Variants in MNAT1 observed in about 807,000 individuals in gnomAD.
MNAT1 encodes CDK-activating kinase assembly factor MAT1.
MNAT1 carries 43 observed loss-of-function variants against 42.0 expected under a neutral mutation model. The observed-to-expected ratio is 1.02, with a 90% confidence interval of 0.80 to 1.32. The LOEUF (loss-of-function observed/expected upper bound fraction) is 1.32. MNAT1 is among the 40% of genes most tolerant of loss of function. MNAT1 has a pLI of 0.00. For synonymous variants in MNAT1, 118 were observed against 120.0 expected, an observed-to-expected ratio of 0.98 and a Z score of 0.11; for missense variants, 306 against 350.4, an observed-to-expected ratio of 0.87 and a Z score of 1.01.
chr14:60,785,893 A>G (rs571537308), intron 1 of MNAT1, among the ~76,000 whole-genome samples: 6 of 152,316 alleles, frequency 3.9e-5, no homozygotes, highest in African/African-American at 1.4e-4. Flanking sequence ...ATTTTATTCT[A>G]TTTAAAAGGT....
At chr14:60,879,596 C>G in intron 6 of MNAT1, 118 bp from the exon 7 acceptor site, 1 of 978,366 alleles carries the variant, frequency 1.0e-6, no homozygotes, top group South Asian at 1.8e-5. Context: ...TGGAACAGCA[C>G]AACTAATGGC....
rs142700208 is a variant in MNAT1 at position 60,740,511 on chromosome 14, C to T, written c.89+5560C>T. On this transcript the variant is annotated intron_variant, in intron 1 of 7. Transcript: ENST00000261245. The surrounding 1 kb of genome is among the most constrained non-coding windows in gnomAD (Gnocchi z 4.1). ...TGTTAGTTATGTTTAAAAGTTTTATCAGATTAAGTTTGAATTTATTTGTTG... is the reference window on the plus strand; with the variant it reads ...TGTTAGTTATGTTTAAAAGTTTTATTAGATTAAGTTTGAATTTATTTGTTG... 6.6e-6 allele frequency among the ~76,000 whole-genome samples: 1 copy of T among 152,144 alleles called. No individual in the cohort carries two copies. The highest frequency in any genetic ancestry group is 1.5e-5 in the Non-Finnish European group (1 of 67,998).
intron 7 of MNAT1, among the ~76,000 whole-genome samples, chr14:60,941,726 C>T (rs554768335): frequency 6.6e-6 from 1 of 151,144 alleles, no homozygotes; most frequent in Non-Finnish European, 1.5e-5. Context: ...AGTCAATGGC[C>T]GGGCGCGGTG....
intron 7 of MNAT1, among the ~76,000 whole-genome samples, chr14:60,939,299 C>T (rs973888590): frequency 2.0e-5 from 3 of 152,088 alleles, no homozygotes; most frequent in African/African-American, 7.2e-5. Flanking sequence ...TCCCTTGCTT[C>T]TCTAGTTCTT....
intron 1 of MNAT1, 55 bp downstream of exon 1, chr14:60,735,006 A>G: frequency 6.5e-7 from 1 of 1,541,920 alleles, no homozygotes; most frequent in Non-Finnish European, 9.0e-7. Flanking sequence ...GTGGGAGGAG[A>G]GGACCGGGAG....
intron 7 of MNAT1, among the ~76,000 whole-genome samples, chr14:60,931,424 A>G (rs1310144841): frequency 2.0e-5 from 3 of 152,152 alleles, no homozygotes; most frequent in Admixed American, 1.3e-4. Flanking sequence ...AATTGGGGAC[A>G]GGGACTGCAT....
At chr14:60,875,753 A>G (rs1018282484) in intron 6 of MNAT1, among the ~76,000 whole-genome samples, 1 of 152,038 alleles carries the variant, frequency 6.6e-6, no homozygotes, top group African/African-American at 2.4e-5. Flanking sequence ...TAATTTGGGT[A>G]TTGTTGCTAA....
At chr14:60,880,530 A>G (rs1325667779) in intron 7 of MNAT1, among the ~76,000 whole-genome samples, 1 of 152,190 alleles carries the variant, frequency 6.6e-6, no homozygotes, top group East Asian at 1.9e-4. Flanking sequence ...GTTGCTTAAC[A>G]AAAGAAAATA....
intron 1 of MNAT1, among the ~76,000 whole-genome samples, chr14:60,787,392 A>C (rs2351277): frequency 0.92 from 139,355 of 152,170 alleles, 64,545 homozygotes; most frequent in Non-Finnish European, 0.99. Context: ...CAATCATCTG[A>C]GCCTTCGAAA....
At chr14:60,779,113 A>G in intron 1 of MNAT1, among the ~76,000 whole-genome samples, 1 of 152,150 alleles carries the variant, frequency 6.6e-6, no homozygotes, top group African/African-American at 2.4e-5. Context: ...CTAGGGAAGA[A>G]AAGGAGTCAC....
chr14:60,911,488 G>A (rs2035362473), intron 7 of MNAT1, among the ~76,000 whole-genome samples: 1 of 151,958 alleles, frequency 6.6e-6, no homozygotes, highest in African/African-American at 2.4e-5. Flanking sequence ...TCTACACACT[G>A]CTTTGAATGT....
intron 1 of MNAT1, among the ~76,000 whole-genome samples, chr14:60,745,511 G>C (rs554165038): frequency 7.2e-5 from 11 of 152,178 alleles, no homozygotes; most frequent in Middle Eastern, 3.4e-3. Flanking sequence ...TTGCCTCCCG[G>C]GTTCAAGCAA....
intron 6 of MNAT1, among the ~76,000 whole-genome samples, chr14:60,862,817 G>T (rs1431820785): frequency 6.6e-6 from 1 of 152,022 alleles, no homozygotes; most frequent in Non-Finnish European, 1.5e-5. Flanking sequence ...GGATCTTCAG[G>T]ATATTTTATA....
chr14:60,834,844 G>A (rs960103765), intron 6 of MNAT1, among the ~76,000 whole-genome samples: 1 of 152,044 alleles, frequency 6.6e-6, no homozygotes, highest in African/African-American at 2.4e-5. Context: ...ATGAATCTGG[G>A]TGCTCCTATA....
chr14:60,896,918 A>G (rs1382162675), intron 7 of MNAT1, among the ~76,000 whole-genome samples: 1 of 152,162 alleles, frequency 6.6e-6, no homozygotes, highest in Non-Finnish European at 1.5e-5. Flanking sequence ...TTATTATTTT[A>G]TTTCTTTCAT....
intron 7 of MNAT1, among the ~76,000 whole-genome samples, chr14:60,914,268 C>G (rs532552711): frequency 1.6e-4 from 25 of 152,364 alleles, no homozygotes; most frequent in African/African-American, 5.3e-4. Flanking sequence ...ACCCCTTGCG[C>G]TTCCCGGGTG....
intron 6 of MNAT1, 129 bp from the exon 7 acceptor site, chr14:60,879,585 A>G (rs1248153893): frequency 3.6e-6 from 3 of 833,732 alleles, no homozygotes. Flanking sequence ...CATTGTACCC[A>G]TGGAACAGCA....
chr14:60,893,234 A>G lies in MNAT1; in HGVS notation c.809+13399A>G, dbSNP rs989414200. On this transcript the variant is annotated intron_variant, in intron 7 of 7. Coordinates refer to ENST00000261245, the MANE Select transcript of MNAT1 (RefSeq NM_002431.4). Reference sequence around the variant, plus strand: ...TTTTGCCCATTCTGCTGATAAGGCCATCAAAGGAATTCTTTTTAATATTGC... The same window carrying G: ...TTTTGCCCATTCTGCTGATAAGGCCGTCAAAGGAATTCTTTTTAATATTGC... 1.6e-4 allele frequency among the ~76,000 whole-genome samples: 25 copies of G among 152,020 alleles called. No homozygotes were observed. The East Asian group carries it at 1.7e-3, about 11-fold the overall frequency.
At chr14:60,915,595 CT>C (rs1262397629) in intron 7 of MNAT1, among the ~76,000 whole-genome samples, 1 of 152,150 alleles carries the variant, frequency 6.6e-6, no homozygotes. Context: ...TTGCCTCTTG[CT>C]TTGTTTCAGC....
Sources: allele counts gnomAD v4.1 joint callset (sites outside exome capture counted in the v4.1 genomes callset), GRCh38; gene constraint gnomAD v4.1.1; non-coding constraint Gnocchi (gnomAD v3.1); transcripts MANE v1.5; gene names NCBI Gene and HGNC (gene_info 2026-07-23, HGNC 2026-07-21).